The following CACNA1G variants were observed in gnomAD, a reference collection of about 807,000 sequenced individuals.
CACNA1G encodes the protein calcium voltage-gated channel subunit alpha1 G.
A neutral mutation model predicts 219.4 loss-of-function variants in CACNA1G; 67 were observed. That is an observed-to-expected ratio of 0.31 (90% confidence interval 0.25 to 0.37). CACNA1G has a LOEUF of 0.37. Ranked by LOEUF, CACNA1G falls within the 10% of genes least tolerant of loss-of-function variation. CACNA1G has a pLI of 1.00. For missense variants in CACNA1G, 2,380 were observed against 3,231.4 expected (o/e 0.74, Z 6.39); for synonymous variants, 1,296 against 1,345.3 (o/e 0.96, Z 0.80).
At position 50,561,187 on chromosome 17, in the gene CACNA1G, G is replaced by C. The variant is rs1232487980; in HGVS notation, c.-273G>C. The stretch of plus-strand genomic sequence containing the variant: ...GCGAAGAAGCCGGAACAAAGTGAGG[G>C]GGAGCCGGCCGGCTGGCCCGGGAAG... On this transcript the variant is annotated 5_prime_UTR_variant, in exon 1 of 38. Transcript: ENST00000359106. 1 of 566,264 alleles carries C rather than the reference G, an allele frequency of 1.8e-6. No individual in the cohort carries two copies. The allele number at this position is 566,264 out of a possible 1,614,324, so 35.1% of individuals were successfully genotyped here.
rs956425416 is a variant in CACNA1G at position 50,560,955 on chromosome 17, AAG to A, written c.-501_-500del. The A allele has an allele frequency of 9.3e-5, 23 of 246,672 alleles. No individual in the cohort carries two copies. Among genetic ancestry groups the A allele is most frequent in the African/African-American group, 5.6e-4 (22 of 39,384 alleles). 15.3% of individuals were successfully genotyped at this position (246,672 alleles called of 1,614,324 possible). On this transcript the variant is annotated 5_prime_UTR_variant, in exon 1 of 38. Coordinates refer to ENST00000359106, the MANE Select transcript of CACNA1G (RefSeq NM_018896.5). ...CCCACCCCCTCCAAGCCCACCCCTA[AAG>A]AGATCCCTCCTCCCCTCCCCCGCCG... is the stretch of plus-strand genomic sequence containing the variant.
intron 14 of CACNA1G, among the ~76,000 whole-genome samples, 175 bp downstream of exon 14, chr17:50,595,236 G>A (rs1417255835): frequency 6.6e-6 from 1 of 152,184 alleles, no homozygotes; most frequent in African/African-American, 2.4e-5. Context: ...TCCCCCTTGA[G>A]GACACGGAAG....
At chr17:50,561,775 A>T (rs2035690145) in intron 1 of CACNA1G, 74 bp downstream of exon 1, 1 of 1,179,664 alleles carries the variant, frequency 8.5e-7, no homozygotes, top group African/African-American at 1.8e-5. Flanking sequence ...GTCGGGGGGG[A>T]AGAAGACCCA....
In CACNA1G at chr17:50,571,727, C is replaced by T. The variant is rs1055808651; in HGVS notation, c.587-151C>T. On this transcript the variant is annotated intron_variant, in intron 4 of 37. Coordinates refer to ENST00000359106, the MANE Select transcript of CACNA1G (RefSeq NM_018896.5). The surrounding 1 kb of genome is among the most constrained non-coding windows in gnomAD (Gnocchi z 4.3). ...GGGCTGCAGAGGCTATCTGGGGAGT[C>T]AGAGGTGTCTGTTGGTCTCCCCTCC... 10 of 704,426 alleles carry T rather than the reference C, an allele frequency of 1.4e-5. No individual in the cohort carries two copies. The African/African-American group carries it at 1.8e-4, about 13-fold the overall frequency. The allele number at this position is 704,426 out of a possible 1,614,324, so 43.6% of individuals were successfully genotyped here.
chr17:50,626,511 T>C lies in CACNA1G; in HGVS notation c.6894T>C (p.Pro2298=), dbSNP rs2146541651. ...TTGGGGGCCAGCCTCTTGGGGGGCC[T>C]GGGAGCCGGCCCAAGAAAAAACTCA... ...SNLGGQPLGG[P]GSRPKKKLSP... The change falls in exon 38 of 38, where the codon CCT becomes CCC. Residue 2298 remains proline, a synonymous_variant. Transcript: ENST00000359106. The surrounding 1 kb of genome is among the most constrained non-coding windows in gnomAD (Gnocchi z 4.3). The C allele has an allele frequency of 6.3e-7, 1 of 1,576,160 alleles. No individual in the cohort carries two copies. Among genetic ancestry groups the C allele is most frequent in the Non-Finnish European group, 8.6e-7 (1 of 1,163,108 alleles).
chr17:50,567,597 G>A (rs2038246048), intron 1 of CACNA1G, among the ~76,000 whole-genome samples: 1 of 152,068 alleles, frequency 6.6e-6, no homozygotes, highest in African/African-American at 2.4e-5. Flanking sequence ...GGCTTGGTGG[G>A]TCATGCCAGG....
At position 50,618,790 on chromosome 17, in the gene CACNA1G, G is replaced by C; in HGVS notation, c.5563G>C (p.Glu1855Gln). ...VVIAVLMKHL[E>Q]ESNKEAKEEA... ...GATCGCCGTGCTGATGAAGCACCTG[G>C]AGGAGAGCAACAAGGAGGCCAAGGA... The change falls in exon 33 of 38, where the codon GAG becomes CAG. Residue 1855 changes from glutamate (E) to glutamine (Q), a missense_variant. By Grantham distance (29) the Glu-to-Gln change is conservative. This residue lies in a region of CACNA1G where 33 missense variants were observed against 70.2 expected (regional missense o/e 0.47). Transcript: ENST00000359106. This position sits in a 1 kb window ranked among gnomAD's most constrained non-coding sequence, Gnocchi z 5.3. 1 of 1,613,994 alleles carries C rather than the reference G, an allele frequency of 6.2e-7. No homozygotes were observed. The highest frequency in any genetic ancestry group is 8.5e-7 in the Non-Finnish European group (1 of 1,179,892).
Position 50,626,382 on chromosome 17 carries a change from G to A in CACNA1G, c.6765G>A (p.Gln2255=). The change falls in exon 38 of 38, where the codon CAG becomes CAA. Residue 2255 remains glutamine, a synonymous_variant. Coordinates refer to ENST00000359106, the MANE Select transcript of CACNA1G (RefSeq NM_018896.5). The surrounding 1 kb of genome is among the most constrained non-coding windows in gnomAD (Gnocchi z 4.3). The part of the protein sequence containing the change: ...KCYSVEAQSC[Q]RRPTSWLDEQ... Reference sequence around the variant, plus strand: ...ACAGCGTGGAGGCCCAGAGCTGCCAGCGCCGGCCTACGTCCTGGCTGGATG... The same window carrying A: ...ACAGCGTGGAGGCCCAGAGCTGCCAACGCCGGCCTACGTCCTGGCTGGATG... 2 of 1,612,054 alleles carry A rather than the reference G, an allele frequency of 1.2e-6. No individual in the cohort carries two copies. The highest frequency in any genetic ancestry group is 1.1e-5 in the South Asian group (1 of 91,042).
In CACNA1G at chr17:50,624,530, G is replaced by C; in HGVS notation, c.6399+1G>C. On this transcript the variant is annotated splice_donor_variant, in intron 37 of 37. Coordinates refer to ENST00000359106, the MANE Select transcript of CACNA1G (RefSeq NM_018896.5). LOFTEE classifies it high-confidence loss of function. ...GGCTCAGAGGCCACTCAGGCGCCAG[G>C]TGAGCAGATGTGGAAAGGCAGGCAC... The C allele has an allele frequency of 6.3e-7, 1 of 1,579,336 alleles. No homozygotes were observed. The highest frequency in any genetic ancestry group is 1.2e-5 in the South Asian group (1 of 85,888).
Position 50,561,327 on chromosome 17 carries a change from C to T in CACNA1G, c.-133C>T. Reference sequence around the variant, plus strand: ...GGGAGCTGGGCTGAACTGGCCCTCCCGGGGGCTCAGCTTGCGCCCTAGAGC... The same window carrying T: ...GGGAGCTGGGCTGAACTGGCCCTCCTGGGGGCTCAGCTTGCGCCCTAGAGC... On this transcript the variant is annotated 5_prime_UTR_variant, in exon 1 of 38. Coordinates refer to ENST00000359106, the MANE Select transcript of CACNA1G (RefSeq NM_018896.5). 8.6e-7 allele frequency: 1 copy of T among 1,161,406 alleles called. No homozygotes were observed. The highest frequency in any genetic ancestry group is 1.5e-5 in the South Asian group (1 of 67,824). 71.9% of individuals were successfully genotyped at this position (1,161,406 alleles called of 1,614,324 possible). A position where few individuals can be genotyped will look rare whatever the true frequency, so the allele number is the denominator to read the frequency against.
rs542601798 is a variant in CACNA1G, at chr17:50,621,356, G to T, written c.5926-304G>T. Among the ~76,000 whole-genome samples the T allele has an allele frequency of 6.6e-6, 1 of 152,196 alleles. No individual in the cohort carries two copies. The highest frequency in any genetic ancestry group is 2.1e-4 in the South Asian group (1 of 4,822). ...GGTGGTGGTAGTGTGGGAGGGGCTGGGGAGGCTCCTGGGGTATCTTTAGAA... is the reference window on the plus strand; with the variant it reads ...GGTGGTGGTAGTGTGGGAGGGGCTGTGGAGGCTCCTGGGGTATCTTTAGAA... On this transcript the variant is annotated intron_variant, in intron 34 of 37. Transcript: ENST00000359106. This position sits in a 1 kb window ranked among gnomAD's most constrained non-coding sequence, Gnocchi z 4.6.
Position 50,618,279 on chromosome 17 carries a change from T to G in CACNA1G, c.5363T>G (p.Phe1788Cys). 6.2e-7 allele frequency: 1 copy of G among 1,613,784 alleles called. No homozygotes were observed. ...GLGRHATFRN[F>C]GMAFLTLFRV... The stretch of plus-strand genomic sequence containing the variant: ...GGCCGTCATGCCACCTTTCGGAACT[T>G]TGGCATGGCCTTCCTAACCCTCTTC... Residue 1788 changes from phenylalanine (F) to cysteine (C), a missense_variant, in exon 32 of 38, where the codon TTT becomes TGT. By Grantham distance (205) the Phe-to-Cys change is radical. This residue lies in a region of CACNA1G where 123 missense variants were observed against 258.4 expected (regional missense o/e 0.48). Coordinates refer to ENST00000359106, the MANE Select transcript of CACNA1G (RefSeq NM_018896.5). This position sits in a 1 kb window ranked among gnomAD's most constrained non-coding sequence, Gnocchi z 5.3.
rs1254946305 is a variant in CACNA1G at position 50,606,096 on chromosome 17, C to T, written c.4422+73C>T. 1.9e-6 allele frequency: 3 copies of T among 1,587,302 alleles called. No individual in the cohort carries two copies. The African/African-American group carries it at 4.0e-5, about 21-fold the overall frequency. On this transcript the variant is annotated intron_variant, in intron 23 of 37. Coordinates refer to ENST00000359106, the MANE Select transcript of CACNA1G (RefSeq NM_018896.5). The stretch of plus-strand genomic sequence containing the variant: ...GGGCACAGGGCCATGCTTAGTGATA[C>T]CTGCTGACTCCGGTGGAGGTGGGCT...
chr17:50,620,612 G>A (rs2051617786), intron 34 of CACNA1G, among the ~76,000 whole-genome samples: 1 of 152,206 alleles, frequency 6.6e-6, no homozygotes, highest in Non-Finnish European at 1.5e-5. Context: ...AGAGGCTGCA[G>A]ACCCGGAGTG....
rs2046453778 is a variant in CACNA1G at position 50,600,727 on chromosome 17, G to A, written c.3692G>A (p.Ser1231Asn). 1.9e-6 allele frequency: 3 copies of A among 1,613,490 alleles called. No individual in the cohort carries two copies. The Admixed American group carries it at 5.0e-5, about 27-fold the overall frequency. The change falls in exon 18 of 38, where the codon AGC (serine) becomes AAC (asparagine). Residue 1231 changes from serine (S) to asparagine (N), a missense_variant and splice_region_variant. Ser to Asn is a conservative substitution (Grantham distance 46). Around this residue, in one of 17 missense-constraint regions of CACNA1G, gnomAD observed 418 missense variants for 434.3 expected, o/e 0.96. Coordinates refer to ENST00000359106, the MANE Select transcript of CACNA1G (RefSeq NM_018896.5). This position sits in a 1 kb window ranked among gnomAD's most constrained non-coding sequence, Gnocchi z 4.1. ...CATACTCCAGTGTTTGTTCTGCAGA[G>A]CAAAGGGGAACGGGTCCGCGCGTGG... ...GDDADDEGNL[S>N]KGERVRAWIR... is the part of the protein sequence containing the mutation.
At chr17:50,616,104 C>T (rs554387423) in intron 27 of CACNA1G, among the ~76,000 whole-genome samples, 171 bp from the exon 28 acceptor site, 1 of 152,332 alleles carries the variant, frequency 6.6e-6, no homozygotes, top group Admixed American at 6.5e-5. Context: ...GTGCCCTACT[C>T]CCTTCTGGGG....
chr17:50,576,458 C>T (rs1252966393), intron 8 of CACNA1G, 132 bp downstream of exon 8: 7 of 861,008 alleles, frequency 8.1e-6, no homozygotes, highest in Non-Finnish European at 1.3e-5. Context: ...GGCTTAGGCA[C>T]CTTCAACCAG....
rs113347921 is a variant in CACNA1G at position 50,576,463 on chromosome 17, A to G, written c.1924+137A>G. On this transcript the variant is annotated intron_variant, in intron 8 of 37. Coordinates refer to ENST00000359106, the MANE Select transcript of CACNA1G (RefSeq NM_018896.5). ...TGCCTCTCATGGCTTAGGCACCTTC[A>G]ACCAGTCACATCCCTGCTATGAGCT... The G allele has an allele frequency of 0.012, 10,033 of 807,396 alleles. 719 individuals carry two copies. The African/African-American group carries it at 0.15, about 12-fold the overall frequency. The allele number at this position is 807,396 out of a possible 1,614,324, so 50.0% of individuals were successfully genotyped here.
rs143411228 is a variant in CACNA1G at position 50,567,504 on chromosome 17, A to G, written c.243-1366A>G. ...GAGGAAGGTCCATAGGTTCCTGAAC[A>G]TTCCTGCTGGCCTCTTCATGCCTGG... On this transcript the variant is annotated intron_variant, in intron 1 of 37. Coordinates refer to ENST00000359106, the MANE Select transcript of CACNA1G (RefSeq NM_018896.5). Among the ~76,000 whole-genome samples, 630 of 152,170 alleles carry G rather than the reference A, an allele frequency of 4.1e-3. 6 individuals carry two copies. Among genetic ancestry groups the G allele is most frequent in the African/African-American group, 0.015 (607 of 41,526 alleles).
Sources: allele counts gnomAD v4.1 joint callset (sites outside exome capture counted in the v4.1 genomes callset), GRCh38; gene constraint gnomAD v4.1.1; regional missense constraint gnomAD v4.1.1; non-coding constraint Gnocchi (gnomAD v3.1); transcripts MANE v1.5; gene names NCBI Gene and HGNC (gene_info 2026-07-23, HGNC 2026-07-21).